The following MSRA variants were observed in gnomAD, a reference collection of about 807,000 sequenced individuals.
The protein encoded by MSRA is mitochondrial peptide methionine sulfoxide reductase.
Under a neutral mutation model 31.3 loss-of-function variants are expected in MSRA, and 54 were observed. The observed-to-expected ratio is 1.73, with a 90% CI of 1.39 to 2.17. MSRA has a LOEUF of 2.17. Among genes scored for constraint, MSRA ranks in the 30% most tolerant of loss-of-function variants. MSRA has a pLI of 0.00. For synonymous variants in MSRA, 169 were observed against 116.5 expected (o/e 1.45, Z -2.90); for missense variants, 507 against 300.9 (o/e 1.69, Z -5.07).
intron 4 of MSRA, 47 bp from the exon 5 acceptor site, chr8:10,319,836 C>A: frequency 8.2e-7 from 1 of 1,213,424 alleles, no homozygotes; most frequent in Non-Finnish European, 1.1e-6. Flanking sequence ...GAGACTGGCA[C>A]TGTCGCCTAG....
At chr8:10,127,330 C>T (rs541249322) in intron 1 of MSRA, among the ~76,000 whole-genome samples, 21 of 152,286 alleles carry the variant, frequency 1.4e-4, no homozygotes, top group South Asian at 4.2e-4. Flanking sequence ...TAAATGGGTA[C>T]GGACTATGTT....
At chr8:10,188,046 C>T (rs1044151860) in intron 1 of MSRA, among the ~76,000 whole-genome samples, 4 of 152,182 alleles carry the variant, frequency 2.6e-5, no homozygotes, top group Non-Finnish European at 4.4e-5. Flanking sequence ...GAGGATTTCT[C>T]ACAAGATTAA....
At chr8:10,136,355 C>T (rs535638555) in intron 1 of MSRA, among the ~76,000 whole-genome samples, 1 of 152,288 alleles carries the variant, frequency 6.6e-6, no homozygotes, top group South Asian at 2.1e-4. Context: ...CCTTTCCTCT[C>T]AGAAGGTCTC....
At chr8:10,068,351 T>C (rs957100426) in intron 1 of MSRA, among the ~76,000 whole-genome samples, 1 of 152,224 alleles carries the variant, frequency 6.6e-6, no homozygotes, top group Non-Finnish European at 1.5e-5. Context: ...ACCATTTCTT[T>C]CATGGATTGT....
intron 1 of MSRA, among the ~76,000 whole-genome samples, chr8:10,205,040 G>C (rs1490812166): frequency 6.6e-6 from 1 of 152,192 alleles, no homozygotes; most frequent in Non-Finnish European, 1.5e-5. Context: ...AGGGATGCTA[G>C]TGTTCTGACC....
rs187934422 is a variant in MSRA at position 10,274,176 on chromosome 8, T to G, written c.332-27358T>G. Among the ~76,000 whole-genome samples, 235 of 152,340 alleles carry G rather than the reference T, an allele frequency of 1.5e-3. 4 individuals carry two copies. The highest frequency in any genetic ancestry group is 6.9e-4 in the Non-Finnish European group (47 of 68,024). On this transcript the variant is annotated intron_variant, in intron 3 of 5. Transcript: ENST00000317173. ...GTAGGTTTGGAGCAGAGTTAATAAC[T>G]GGAACTCCTGTTACATTCAAACTTC...
chr8:10,314,402 A>C (rs1169383555), intron 4 of MSRA, among the ~76,000 whole-genome samples: 1 of 152,138 alleles, frequency 6.6e-6, no homozygotes, highest in South Asian at 2.1e-4. Flanking sequence ...ATAAAATGAT[A>C]ATTAACGTTA....
intron 2 of MSRA, among the ~76,000 whole-genome samples, chr8:10,211,771 T>C (rs1392677200): frequency 6.6e-6 from 1 of 152,066 alleles, no homozygotes; most frequent in Non-Finnish European, 1.5e-5. Context: ...TCTCTGGCCG[T>C]CAATATCTTA....
At chr8:10,245,288 G>A (rs1797564844) in intron 3 of MSRA, 65 bp downstream of exon 3, 2 of 1,433,752 alleles carry the variant, frequency 1.4e-6, no homozygotes, top group Admixed American at 2.1e-5. Flanking sequence ...CTACTGTTGG[G>A]TGACAGGCTC....
At chr8:10,090,937 T>A (rs1361799647) in intron 1 of MSRA, among the ~76,000 whole-genome samples, 4 of 152,246 alleles carry the variant, frequency 2.6e-5, no homozygotes, top group Admixed American at 6.5e-5. Context: ...CATCAGCTGC[T>A]GAACATGGGG....
intron 5 of MSRA, among the ~76,000 whole-genome samples, chr8:10,338,260 A>G (rs1016684499): frequency 6.6e-6 from 1 of 152,194 alleles, no homozygotes; most frequent in Admixed American, 6.5e-5. Flanking sequence ...CAGAAAGAAA[A>G]ATACCGCATG....
chr8:10,127,488 T>C (rs959117808), intron 1 of MSRA, among the ~76,000 whole-genome samples: 3 of 152,216 alleles, frequency 2.0e-5, no homozygotes, highest in Non-Finnish European at 4.4e-5. Context: ...CTACTTATTA[T>C]TGAATTCAGT....
chr8:10,386,930 G>T (rs542586356), intron 5 of MSRA, among the ~76,000 whole-genome samples: 1 of 151,172 alleles, frequency 6.6e-6, no homozygotes, highest in Non-Finnish European at 1.5e-5. Context: ...AGCCCCAAAG[G>T]CATGGGATCG....
intron 3 of MSRA, among the ~76,000 whole-genome samples, chr8:10,272,235 G>C (rs537650351): frequency 5.3e-5 from 8 of 152,268 alleles, no homozygotes; most frequent in Admixed American, 4.6e-4. Flanking sequence ...TGAGTTGATC[G>C]ATCTAGAGGT....
intron 1 of MSRA, among the ~76,000 whole-genome samples, chr8:10,090,576 C>T (rs1798803471): frequency 6.6e-6 from 1 of 152,174 alleles, no homozygotes; most frequent in East Asian, 1.9e-4. Context: ...TTATTATGTA[C>T]AATCCAGTGG....
intron 3 of MSRA, among the ~76,000 whole-genome samples, chr8:10,284,048 C>A (rs1319036981): frequency 6.6e-6 from 1 of 151,612 alleles, no homozygotes; most frequent in African/African-American, 2.4e-5. Flanking sequence ...AATGGTAGTT[C>A]TACTTTTAGT....
At chr8:10,199,125 C>G (rs549351685) in intron 1 of MSRA, among the ~76,000 whole-genome samples, 2 of 152,158 alleles carry the variant, frequency 1.3e-5, no homozygotes, top group African/African-American at 4.8e-5. Context: ...TTTGCAGAAT[C>G]ATGGATGCCT....
At chr8:10,270,942 G>A (rs1411078380) in intron 3 of MSRA, among the ~76,000 whole-genome samples, 1 of 152,178 alleles carries the variant, frequency 6.6e-6, no homozygotes, top group Admixed American at 6.5e-5. Context: ...GAAATGCTGA[G>A]CTGACAGGAA....
At chr8:10,129,640 A>G (rs1003059783) in intron 1 of MSRA, among the ~76,000 whole-genome samples, 1 of 152,086 alleles carries the variant, frequency 6.6e-6, no homozygotes, top group African/African-American at 2.4e-5. Context: ...TGTGCAGATC[A>G]GAAGGGGTGG....
Sources: allele counts gnomAD v4.1 joint callset (sites outside exome capture counted in the v4.1 genomes callset), GRCh38; gene constraint gnomAD v4.1.1; transcripts MANE v1.5; gene names NCBI Gene and HGNC (gene_info 2026-07-23, HGNC 2026-07-21).